The following FAT4 variants were observed in gnomAD, a reference collection of about 807,000 sequenced individuals.
The protein encoded by FAT4 is FAT atypical cadherin 4.
In FAT4, 84 loss-of-function variants were observed where a neutral mutation model predicts 303.9. The observed-to-expected ratio is 0.28, with a 90% CI of 0.23 to 0.33. The LOEUF (loss-of-function observed/expected upper bound fraction) is 0.33, where lower values mean the gene tolerates loss of function less well. Ranked by LOEUF, FAT4 falls within the 10% of genes least tolerant of loss-of-function variation. FAT4 has a pLI of 1.00. For missense variants in FAT4, 6,005 were observed against 6,146.8 expected (o/e 0.98, Z 0.77); for synonymous variants, 2,307 against 2,298.8 (o/e 1.00, Z -0.10).
At chr4:125,333,583 A>G (rs1005034010) in intron 2 of FAT4, among the ~76,000 whole-genome samples, 36 of 152,162 alleles carry the variant, frequency 2.4e-4, no homozygotes, top group African/African-American at 7.2e-4. Flanking sequence ...GGGTTTTTTC[A>G]CATTAGCATA....
rs1734998359 is a variant in FAT4, at chr4:125,415,221, G to A, written c.6258G>A (p.Glu2086=). ...ATAGTGGCCCAAACAGCTATATTGAGTACACTCTGCTGAACCCTTTGGGAA... is the reference window on the plus strand; with the variant it reads ...ATAGTGGCCCAAACAGCTATATTGAATACACTCTGCTGAACCCTTTGGGAA... ...DPDSGPNSYI[E]YTLLNPLGNK... The change falls in exon 6 of 18, where the codon GAG becomes GAA. Residue 2086 remains glutamate (E), a synonymous_variant. Transcript: ENST00000394329. 1.2e-6 allele frequency: 2 copies of A among 1,614,048 alleles called. No homozygotes were observed. Among genetic ancestry groups the A allele is most frequent in the East Asian group, 2.2e-5 (1 of 44,858 alleles).
chr4:125,491,415 T>C lies in FAT4; in HGVS notation c.14599T>C (p.Ser4867Pro). ...CAGGGAGAAGCCAATGGTATATACT[T>C]CCAGAATGCCCAAATTATCTCAAGT... Reference protein sequence around the residue: ...YDREKPMVYTSRMPKLSQVNE... With the variant: ...YDREKPMVYTPRMPKLSQVNE... Residue 4867 changes from serine (S) to proline (P), a missense_variant, in exon 18 of 18, where the codon TCC (serine) becomes CCC (proline). Transcript: ENST00000394329. 1 of 1,614,096 alleles carries C rather than the reference T, an allele frequency of 6.2e-7. No individual in the cohort carries two copies. The highest frequency in any genetic ancestry group is 2.2e-5 in the East Asian group (1 of 44,868).
At chr4:125,417,857 A>G (rs538206160) in intron 7 of FAT4, among the ~76,000 whole-genome samples, 2 of 152,274 alleles carry the variant, frequency 1.3e-5, no homozygotes, top group South Asian at 4.1e-4. Flanking sequence ...GTGGATAAAT[A>G]CTCAATTAGA....
At chr4:125,383,434 A>G (rs2126000491) in intron 2 of FAT4, among the ~76,000 whole-genome samples, 1 of 152,264 alleles carries the variant, frequency 6.6e-6, no homozygotes, top group South Asian at 2.1e-4. Flanking sequence ...CACAATATTT[A>G]TCCATCCAGT....
intron 2 of FAT4, among the ~76,000 whole-genome samples, chr4:125,357,109 G>A (rs1327861473): frequency 6.6e-6 from 1 of 151,988 alleles, no homozygotes; most frequent in Non-Finnish European, 1.5e-5. Flanking sequence ...TATTCCATAT[G>A]TATAAAACAA....
chr4:125,447,754 T>C (rs572712305), intron 9 of FAT4, among the ~76,000 whole-genome samples: 8 of 152,166 alleles, frequency 5.3e-5, no homozygotes, highest in Non-Finnish European at 1.2e-4. Context: ...ACAATCTGTT[T>C]CATTGGCACT....
At chr4:125,456,168 A>C (rs1005884664) in intron 10 of FAT4, among the ~76,000 whole-genome samples, 1 of 152,150 alleles carries the variant, frequency 6.6e-6, no homozygotes, top group Non-Finnish European at 1.5e-5. Flanking sequence ...GCAATATGGA[A>C]AGGTAGGAAC....
At chr4:125,330,446 A>G (rs1316602321) in intron 2 of FAT4, among the ~76,000 whole-genome samples, 1 of 152,212 alleles carries the variant, frequency 6.6e-6, no homozygotes, top group East Asian at 1.9e-4. Flanking sequence ...TTTTTAATCA[A>G]TTTCACTGAG....
rs563590214 is a variant in FAT4, at chr4:125,458,170, G to A, written c.11800+5360G>A. On this transcript the variant is annotated intron_variant, in intron 10 of 17. Transcript: ENST00000394329. ...GGTGTAGTATTTGGAATAATGCCGG[G>A]GGTTTATTACCTTATGGAGAAGTTT... 5.3e-5 allele frequency among the ~76,000 whole-genome samples: 8 copies of A among 151,996 alleles called. No homozygotes were observed. The East Asian group carries it at 1.4e-3, about 26-fold the overall frequency.
intron 7 of FAT4, among the ~76,000 whole-genome samples, chr4:125,429,053 C>T (rs1399724221): frequency 2.0e-5 from 3 of 152,128 alleles, no homozygotes; most frequent in Admixed American, 2.0e-4. Flanking sequence ...AACATTGGCC[C>T]TAGTATTCTG....
rs777925783 is a variant in FAT4 at position 125,490,782 on chromosome 4, C to T, written c.13966C>T (p.His4656Tyr). ...SHTPKFSIQR[H>Y]SPLGFARQSP... The stretch of plus-strand genomic sequence containing the variant: ...CACACCAAAATTTTCAATCCAGAGG[C>T]ACAGTCCCCTAGGCTTTGCAAGGCA... The change falls in exon 18 of 18, where the codon CAC becomes TAC. Residue 4656 changes from histidine to tyrosine, a missense_variant. By Grantham distance (83) the His-to-Tyr change is moderately conservative (BLOSUM62 2). Transcript: ENST00000394329. 7 of 1,614,124 alleles carry T rather than the reference C, an allele frequency of 4.3e-6. No individual in the cohort carries two copies. In the Admixed American group the frequency reaches 1.2e-4, roughly 27 times the overall value.
intron 2 of FAT4, chr4:125,394,011 C>A: frequency 1.3e-6 from 1 of 779,716 alleles, no homozygotes; most frequent in South Asian, 1.3e-5. Flanking sequence ...TATTGTAAGT[C>A]AAGCACAGAT....
At chr4:125,469,120 C>T (rs186751748) in intron 12 of FAT4, among the ~76,000 whole-genome samples, 30 of 152,274 alleles carry the variant, frequency 2.0e-4, no homozygotes, top group Middle Eastern at 3.4e-3. Context: ...GTATTTCTGC[C>T]TTGACTAAGT....
chr4:125,439,912 G>A (rs1204377195), intron 8 of FAT4, among the ~76,000 whole-genome samples: 1 of 152,088 alleles, frequency 6.6e-6, no homozygotes, highest in African/African-American at 2.4e-5. Context: ...CAATAAAAAT[G>A]AACATAAAAA....
chr4:125,383,985 T>C (rs1195958969), intron 2 of FAT4, among the ~76,000 whole-genome samples: 1 of 152,204 alleles, frequency 6.6e-6, no homozygotes, highest in Non-Finnish European at 1.5e-5. Context: ...AGGGATACTA[T>C]AAACTGTACT....
Position 125,415,431 on chromosome 4 carries a change from A to T in FAT4, c.6468A>T (p.Gln2156His). Reference protein sequence around the residue: ...DINDNNPIFAQALYKVEINEN... With the variant: ...DINDNNPIFAHALYKVEINEN... Reference sequence around the variant, plus strand: ...ATGATAACAACCCCATCTTTGCACAAGCTTTGTATAAAGTGGAGATTAATG... The same window carrying T: ...ATGATAACAACCCCATCTTTGCACATGCTTTGTATAAAGTGGAGATTAATG... The change falls in exon 6 of 18, where the codon CAA becomes CAT. Residue 2156 changes from glutamine (Q) to histidine (H), a missense_variant. Physicochemically the swap from Gln to His is conservative, Grantham distance 24 (BLOSUM62 0). Transcript: ENST00000394329. The T allele has an allele frequency of 6.2e-7, 1 of 1,614,112 alleles. No homozygotes were observed. Among genetic ancestry groups the T allele is most frequent in the Non-Finnish European group, 8.5e-7 (1 of 1,179,988 alleles).
intron 2 of FAT4, among the ~76,000 whole-genome samples, chr4:125,365,216 G>A (rs888121735): frequency 1.3e-5 from 2 of 152,166 alleles, no homozygotes; most frequent in African/African-American, 2.4e-5. Flanking sequence ...CTTGTTAAAT[G>A]TGAGGTCACT....
At chr4:125,364,460 A>C (rs1732790275) in intron 2 of FAT4, among the ~76,000 whole-genome samples, 1 of 152,214 alleles carries the variant, frequency 6.6e-6, no homozygotes, top group South Asian at 2.1e-4. Flanking sequence ...TATGATAAGC[A>C]TATGATAAGG....
Position 125,492,845 on chromosome 4 carries a change from A to C in FAT4, c.*1077A>C, listed in dbSNP as rs2126100090. On this transcript the variant is annotated 3_prime_UTR_variant, in exon 18 of 18. Transcript: ENST00000394329. ...TATATTTGTTACTTATGTAACATTC[A>C]TATTTTTCTCATTTTGATATTTGTA... is the stretch of plus-strand genomic sequence containing the variant. 6.6e-6 allele frequency: 1 copy of C among 152,612 alleles called. No homozygotes were observed. The highest frequency in any genetic ancestry group is 2.1e-4 in the South Asian group (1 of 4,824). The allele number at this position is 152,612 out of a possible 1,614,324, so 9.5% of individuals were successfully genotyped here. A position where few individuals can be genotyped will look rare whatever the true frequency, so the allele number is the denominator to read the frequency against.
Sources: gnomAD v4.1 joint callset for allele counts (sites outside exome capture counted in the v4.1 genomes callset) on GRCh38, gnomAD v4.1.1 for gene constraint, MANE v1.5 for transcripts, NCBI Gene and HGNC (gene_info 2026-07-23, HGNC 2026-07-21) for gene names.